Variants in GRM5 observed in about 807,000 individuals in gnomAD.
GRM5 encodes the protein metabotropic glutamate receptor 5.
Under a neutral mutation model 83.1 loss-of-function variants are expected in GRM5, and 19 were observed. That is an observed-to-expected ratio of 0.23 (90% CI 0.16 to 0.34). The LOEUF (loss-of-function observed/expected upper bound fraction) is 0.34, where lower values mean the gene tolerates loss of function less well. GRM5 is among the 10% of genes least tolerant of loss of function. The pLI, the probability that GRM5 is intolerant of heterozygous loss-of-function variation, is 1.00. For synonymous variants in GRM5, 675 were observed against 633.6 expected (o/e 1.07, Z -0.98); for missense variants, 1,160 against 1,588.3 (o/e 0.73, Z 4.58).
At chr11:88,986,028 T>C (rs982040216) in intron 2 of GRM5, among the ~76,000 whole-genome samples, 2 of 152,124 alleles carry the variant, frequency 1.3e-5, no homozygotes, top group African/African-American at 4.8e-5. Flanking sequence ...TGGGCATTTA[T>C]CCTAAAAAAT....
At chr11:88,921,089 T>C (rs1042983849) in intron 2 of GRM5, among the ~76,000 whole-genome samples, 1 of 146,494 alleles carries the variant, frequency 6.8e-6, no homozygotes, top group Non-Finnish European at 1.5e-5. Context: ...TTTTTTTTAA[T>C]AAAGTGAAAT....
chr11:88,505,227 AGG>A lies in GRM5; in HGVS notation c.*3363_*3364del, dbSNP rs1941152817. ...TAACTATAGAGATTCTGACAGCTTGAGGGTTATTAATAAGCTGTTGCTAAATG... is the reference window on the plus strand; with the variant it reads ...TAACTATAGAGATTCTGACAGCTTGAGTTATTAATAAGCTGTTGCTAAATG... On this transcript the variant is annotated 3_prime_UTR_variant, in exon 10 of 10. Coordinates refer to ENST00000305447, the MANE Select transcript of GRM5 (RefSeq NM_001143831.3). 6.6e-6 allele frequency: 1 copy of A among 152,222 alleles called. No individual in the cohort carries two copies. The highest frequency in any genetic ancestry group is 1.5e-5 in the Non-Finnish European group (1 of 68,026). 9.4% of individuals were successfully genotyped at this position (152,222 alleles called of 1,614,324 possible).
At chr11:89,051,903 G>A (rs1591080019) in intron 1 of GRM5, among the ~76,000 whole-genome samples, 2 of 152,118 alleles carry the variant, frequency 1.3e-5, no homozygotes, top group South Asian at 2.1e-4. Flanking sequence ...TATGATTGGC[G>A]ACAGTAGATA....
intron 3 of GRM5, among the ~76,000 whole-genome samples, chr11:88,724,147 C>T (rs971881343): frequency 9.9e-5 from 15 of 152,130 alleles, no homozygotes; most frequent in African/African-American, 2.9e-4. Flanking sequence ...TTCTTTCCTG[C>T]TTAGTTTAAC....
chr11:88,727,922 C>A (rs183626465), intron 3 of GRM5, among the ~76,000 whole-genome samples: 255 of 152,172 alleles, frequency 1.7e-3, no homozygotes, highest in Non-Finnish European at 2.5e-3. Flanking sequence ...CAGGGGAAAG[C>A]AGGAAAGATC....
rs575273277 is a variant in GRM5, at chr11:88,952,298, C to CT, written c.661+94913dup. Among the ~76,000 whole-genome samples, 72 of 152,342 alleles carry CT rather than the reference C, an allele frequency of 4.7e-4. No homozygotes were observed. The South Asian group carries it at 0.014, about 30-fold the overall frequency. ...TGAAACGTTTTTATGACTTCCTGGA[C>CT]TCTCTAATGTGCCCATATAGCTCTC... On this transcript the variant is annotated intron_variant, in intron 2 of 9. Transcript: ENST00000305447.
chr11:88,765,386 A>G (rs1056100050), intron 3 of GRM5, among the ~76,000 whole-genome samples: 3 of 107,432 alleles, frequency 2.8e-5, no homozygotes, highest in Admixed American at 1.1e-4. Context: ...CAAATAGCCA[A>G]GACAATTTGA....
chr11:88,809,624 C>T (rs1291621726), intron 3 of GRM5, among the ~76,000 whole-genome samples: 1 of 151,888 alleles, frequency 6.6e-6, no homozygotes, highest in Non-Finnish European at 1.5e-5. Flanking sequence ...AGATAATAAA[C>T]ATACACTTGG....
intron 2 of GRM5, among the ~76,000 whole-genome samples, chr11:88,913,531 T>A (rs1227511655): frequency 1.3e-5 from 2 of 151,646 alleles, no homozygotes; most frequent in African/African-American, 4.8e-5. Context: ...GAATTCCTAC[T>A]GGTTGGTCCC....
chr11:88,619,091 T>C (rs1176187767), intron 4 of GRM5, among the ~76,000 whole-genome samples: 1 of 152,220 alleles, frequency 6.6e-6, no homozygotes, highest in Non-Finnish European at 1.5e-5. Context: ...CCAAAAGGAT[T>C]AGCAGAAACT....
At chr11:88,791,065 G>A (rs982634034) in intron 3 of GRM5, among the ~76,000 whole-genome samples, 1 of 152,198 alleles carries the variant, frequency 6.6e-6, no homozygotes, top group Admixed American at 6.5e-5. Flanking sequence ...AACAGTGACA[G>A]TGTGAACGCA....
chr11:88,845,423 CTTTTTTTTTTTT>C lies in GRM5; in HGVS notation c.911+4471_911+4482del, dbSNP rs71046265. On this transcript the variant is annotated intron_variant, in intron 3 of 9. Transcript: ENST00000305447. ...AGGCTACAGTACAGTATAAACATAA[CTTTTTTTTTTTT>C]TTTTTTTTTTTTTTTTGAGACAGAG... is the stretch of plus-strand genomic sequence containing the variant. Among the ~76,000 whole-genome samples the C allele has an allele frequency of 3.7e-3, 345 of 92,432 alleles. 5 individuals carry two copies. Among genetic ancestry groups the C allele is most frequent in the African/African-American group, 0.011 (244 of 22,232 alleles). 60.6% of individuals were successfully genotyped at this position (92,432 alleles called of 152,430 possible).
intron 3 of GRM5, among the ~76,000 whole-genome samples, chr11:88,701,627 T>C (rs1393746711): frequency 1.3e-5 from 2 of 152,164 alleles, no homozygotes; most frequent in East Asian, 3.9e-4. Flanking sequence ...TTCTGTCTTA[T>C]ACATTTTAGG....
At chr11:89,004,535 A>C (rs1468710589) in intron 2 of GRM5, among the ~76,000 whole-genome samples, 2 of 152,170 alleles carry the variant, frequency 1.3e-5, no homozygotes, top group Non-Finnish European at 2.9e-5. Context: ...CACATTATAT[A>C]AGGAAAGCTT....
chr11:89,032,678 G>A (rs1452023688), intron 2 of GRM5, among the ~76,000 whole-genome samples: 1 of 151,742 alleles, frequency 6.6e-6, no homozygotes, highest in African/African-American at 2.4e-5. Context: ...TCCCTTTTTT[G>A]AAATGTGGTA....
rs1197749517 is a variant in GRM5 at position 89,039,674 on chromosome 11, T to C, written c.661+7538A>G. 3.9e-5 allele frequency among the ~76,000 whole-genome samples: 6 copies of C among 152,208 alleles called. No individual in the cohort carries two copies. In the South Asian group the frequency reaches 1.0e-3, roughly 26 times the overall value. ...TACAAATATCTAAATAAACAAAATA[T>C]GTAAATATATCAGATACCTAAAGGT... is the stretch of plus-strand genomic sequence containing the variant. On this transcript the variant is annotated intron_variant, in intron 2 of 9. Coordinates refer to ENST00000305447, the MANE Select transcript of GRM5 (RefSeq NM_001143831.3).
chr11:88,698,621 CA>C (rs1279192117), intron 3 of GRM5, among the ~76,000 whole-genome samples: 2 of 152,266 alleles, frequency 1.3e-5, no homozygotes, highest in East Asian at 3.9e-4. Context: ...CTGCCACCAT[CA>C]AAGGGTCTGC....
At chr11:88,831,877 G>A (rs1261881936) in intron 3 of GRM5, among the ~76,000 whole-genome samples, 1 of 152,206 alleles carries the variant, frequency 6.6e-6, no homozygotes, top group Non-Finnish European at 1.5e-5. Flanking sequence ...CAGCACCTGA[G>A]CAAGCTGTCT....
chr11:89,065,034 TA>T (rs1942072015), intron 1 of GRM5, among the ~76,000 whole-genome samples: 1 of 150,928 alleles, frequency 6.6e-6, no homozygotes, highest in Non-Finnish European at 1.5e-5. Context: ...AACTTGAGTT[TA>T]TAGGTCCAGA....
Sources: allele counts gnomAD v4.1 joint callset (sites outside exome capture counted in the v4.1 genomes callset), GRCh38; gene constraint gnomAD v4.1.1; transcripts MANE v1.5; gene names NCBI Gene and HGNC (gene_info 2026-07-23, HGNC 2026-07-21).